The following SCTR variants were observed in gnomAD, a reference collection of about 807,000 sequenced individuals.
The protein encoded by SCTR is pancreatic secretin receptor.
Under a neutral mutation model 60.8 loss-of-function variants are expected in SCTR, and 56 were observed. That is an observed-to-expected ratio of 0.92 (90% CI 0.74 to 1.15). The LOEUF is 1.15. Ranked by LOEUF, SCTR falls within the 50% of genes most tolerant of loss-of-function variation. SCTR has a pLI of 0.00. For synonymous variants in SCTR, 202 were observed against 217.0 expected (o/e 0.93, Z 0.61); for missense variants, 562 against 550.4 (o/e 1.02, Z -0.21).
At chr2:119,488,017 C>T (rs1325895505) in intron 2 of SCTR, among the ~76,000 whole-genome samples, 2 of 152,178 alleles carry the variant, frequency 1.3e-5, no homozygotes, top group Non-Finnish European at 2.9e-5. Context: ...GATTTTTCCT[C>T]AGACATCACA....
chr2:119,490,309 C>G (rs189849750), intron 2 of SCTR, among the ~76,000 whole-genome samples: 2 of 152,362 alleles, frequency 1.3e-5, no homozygotes, highest in Non-Finnish European at 2.9e-5. Flanking sequence ...TTGCAGCATC[C>G]ATGCTGCTGC....
At chr2:119,513,955 G>A (rs1679034347) in intron 1 of SCTR, among the ~76,000 whole-genome samples, 1 of 152,156 alleles carries the variant, frequency 6.6e-6, no homozygotes, top group South Asian at 2.1e-4. Context: ...TAAAACTATG[G>A]TAATTTTTTA....
At chr2:119,482,077 G>A (rs1677636201) in intron 2 of SCTR, among the ~76,000 whole-genome samples, 1 of 152,214 alleles carries the variant, frequency 6.6e-6, no homozygotes, top group Non-Finnish European at 1.5e-5. Context: ...GACATGGAGG[G>A]GATGAAAGCT....
At chr2:119,473,681 GTTCCAGAAC>G in intron 3 of SCTR, 125 bp from the exon 4 acceptor site, 1 of 680,620 alleles carries the variant, frequency 1.5e-6, no homozygotes, top group East Asian at 2.7e-5. Flanking sequence ...GCACACAGCA[GTTCCAGAAC>G]TTGCCCAAGA....
At chr2:119,482,240 AG>A (rs1166919106) in intron 2 of SCTR, among the ~76,000 whole-genome samples, 1 of 152,160 alleles carries the variant, frequency 6.6e-6, no homozygotes, top group Non-Finnish European at 1.5e-5. Flanking sequence ...GGCCTGGGTT[AG>A]GGGGGATGCT....
At chr2:119,446,446 C>T (rs1284451950) in intron 11 of SCTR, among the ~76,000 whole-genome samples, 2 of 152,318 alleles carry the variant, frequency 1.3e-5, no homozygotes, top group East Asian at 3.9e-4. Flanking sequence ...CTTGGCCATC[C>T]GCGCTTACGT....
chr2:119,467,385 A>C (rs951131887), intron 4 of SCTR, among the ~76,000 whole-genome samples: 3 of 152,192 alleles, frequency 2.0e-5, no homozygotes, highest in Non-Finnish European at 4.4e-5. Context: ...AAAAAAAAAA[A>C]AATTGAAAGA....
At chr2:119,440,729 C>T (rs562647912) in intron 12 of SCTR, among the ~76,000 whole-genome samples, 2 of 152,196 alleles carry the variant, frequency 1.3e-5, no homozygotes, top group African/African-American at 4.8e-5. Context: ...GTGATGGGTC[C>T]CCAGTGATTT....
intron 1 of SCTR, among the ~76,000 whole-genome samples, chr2:119,517,226 C>T (rs996062139): frequency 6.6e-6 from 1 of 151,860 alleles, no homozygotes; most frequent in African/African-American, 2.4e-5. Flanking sequence ...GTGGCACAAT[C>T]ATGGCTCACT....
At chr2:119,470,672 A>G (rs995442715) in intron 4 of SCTR, among the ~76,000 whole-genome samples, 2 of 152,180 alleles carry the variant, frequency 1.3e-5, no homozygotes, top group Admixed American at 1.3e-4. Context: ...CGTACTGATT[A>G]GTGTAAACCA....
intron 10 of SCTR, among the ~76,000 whole-genome samples, chr2:119,448,080 G>A (rs1348524074): frequency 6.6e-6 from 1 of 152,164 alleles, no homozygotes; most frequent in Non-Finnish European, 1.5e-5. Flanking sequence ...GACACACAGA[G>A]GGACACCAGG....
chr2:119,494,694 A>G, intron 1 of SCTR, 146 bp from the exon 2 acceptor site: 1 of 767,702 alleles, frequency 1.3e-6, no homozygotes, highest in South Asian at 1.8e-5. Flanking sequence ...TCTGCAGGAA[A>G]GGTGGAGGCA....
intron 2 of SCTR, chr2:119,484,814 G>C (rs76462365): frequency 0.12 from 18,330 of 152,332 alleles, 1,356 homozygotes; most frequent in South Asian, 0.27. Flanking sequence ...CAAAGCACTT[G>C]GGAGAAAACA....
intron 1 of SCTR, among the ~76,000 whole-genome samples, chr2:119,496,105 C>T (rs1278395039): frequency 6.6e-6 from 1 of 152,160 alleles, no homozygotes; most frequent in East Asian, 1.9e-4. Context: ...TTGCCGAAGC[C>T]CATAGTCTCT....
At chr2:119,444,517 A>G (rs1573783557) in intron 11 of SCTR, among the ~76,000 whole-genome samples, 1 of 58,342 alleles carries the variant, frequency 1.7e-5, no homozygotes, top group Non-Finnish European at 3.1e-5. Flanking sequence ...ATATATATAC[A>G]CATATATACG....
intron 1 of SCTR, among the ~76,000 whole-genome samples, chr2:119,516,684 G>A (rs370527526): frequency 2.6e-5 from 4 of 152,202 alleles, no homozygotes; most frequent in Admixed American, 1.3e-4. Flanking sequence ...ATCGGGCCGG[G>A]TGTGGTGGTT....
At chr2:119,492,565 T>A (rs1678171813) in intron 2 of SCTR, among the ~76,000 whole-genome samples, 1 of 152,240 alleles carries the variant, frequency 6.6e-6, no homozygotes, top group East Asian at 1.9e-4. Flanking sequence ...TCATATAACA[T>A]AACACTAACC....
intron 1 of SCTR, among the ~76,000 whole-genome samples, chr2:119,496,268 G>C (rs988048610): frequency 6.6e-6 from 1 of 152,228 alleles, no homozygotes; most frequent in Admixed American, 6.5e-5. Flanking sequence ...AGGACAGAAA[G>C]TGCTGGAGGT....
rs546904746 is a variant in SCTR at position 119,463,178 on chromosome 2, C to T, written c.636+945G>A. On this transcript the variant is annotated intron_variant, in intron 6 of 12. Coordinates refer to ENST00000019103, the MANE Select transcript of SCTR (RefSeq NM_002980.3). ...TTTCCAATCTCTTTTCTCCCTTGCTCGCCTCTACTATAGAGATTGTGATAG... is the reference window on the plus strand; with the variant it reads ...TTTCCAATCTCTTTTCTCCCTTGCTTGCCTCTACTATAGAGATTGTGATAG... Among the ~76,000 whole-genome samples the T allele has an allele frequency of 5.9e-5, 9 of 152,244 alleles. No individual in the cohort carries two copies. The South Asian group carries it at 1.7e-3, about 28-fold the overall frequency.
Sources: gnomAD v4.1 joint callset for allele counts (sites outside exome capture counted in the v4.1 genomes callset) on GRCh38, gnomAD v4.1.1 for gene constraint, MANE v1.5 for transcripts, NCBI Gene and HGNC (gene_info 2026-07-23, HGNC 2026-07-21) for gene names.